Variants in FHOD3 observed in about 807,000 individuals in gnomAD.
The protein encoded by FHOD3 is formin homology 2 domain containing 3, also known as FH1/FH2 domain-containing protein 3.
A neutral mutation model predicts 173.0 loss-of-function variants in FHOD3; 90 were observed. The ratio of observed to expected loss-of-function variants is 0.52; its 90% CI spans 0.44 to 0.62. The LOEUF (loss-of-function observed/expected upper bound fraction) is 0.62, where lower values mean the gene tolerates loss of function less well. Among genes scored for constraint, FHOD3 ranks in the 20% least tolerant of loss-of-function variants. FHOD3 has a pLI of 0.00. For synonymous variants in FHOD3, 828 were observed against 823.0 expected (o/e 1.01, Z -0.10); for missense variants, 1,945 against 2,034.7 (o/e 0.96, Z 0.85).
chr18:36,324,046 G>A (rs538598787), intron 1 of FHOD3, among the ~76,000 whole-genome samples: 10 of 152,362 alleles, frequency 6.6e-5, no homozygotes, highest in African/African-American at 2.4e-4. Flanking sequence ...CTGCTTTAAA[G>A]TTACAGTAGT....
chr18:36,413,756 A>G (rs747457479), intron 3 of FHOD3, among the ~76,000 whole-genome samples: 3 of 152,242 alleles, frequency 2.0e-5, no homozygotes, highest in Non-Finnish European at 4.4e-5. Flanking sequence ...AGTAAAATAT[A>G]CATAACAGAA....
rs142631691 is a variant in FHOD3, at chr18:36,550,381, A to G, written c.512-26070A>G. ...TATAATAACTCCTAAAGTAGGTAGT[A>G]TAAGTCTTCCCATTCTGTTCTTCTC... On this transcript the variant is annotated intron_variant, in intron 5 of 28. Coordinates refer to ENST00000590592, the MANE Select transcript of FHOD3 (RefSeq NM_001281740.3). 2.1e-3 allele frequency among the ~76,000 whole-genome samples: 315 copies of G among 151,834 alleles called. 2 individuals carry two copies. The highest frequency in any genetic ancestry group is 7.4e-3 in the African/African-American group (306 of 41,454).
At chr18:36,588,474 A>G (rs2059112835) in intron 6 of FHOD3, among the ~76,000 whole-genome samples, 1 of 152,350 alleles carries the variant, frequency 6.6e-6, no homozygotes, top group South Asian at 2.1e-4. Context: ...TATAACATAT[A>G]TTTATGATGT....
intron 19 of FHOD3, among the ~76,000 whole-genome samples, chr18:36,721,589 T>C (rs899721794): frequency 3.3e-5 from 5 of 152,168 alleles, no homozygotes; most frequent in Admixed American, 1.3e-4. Context: ...CAAGGTTGCA[T>C]TGAGCTGTGA....
At chr18:36,474,986 T>TACACACAC (rs3056805) in intron 3 of FHOD3, among the ~76,000 whole-genome samples, 131 of 108,106 alleles carry the variant, frequency 1.2e-3, no homozygotes, top group Non-Finnish European at 1.9e-3. Context: ...AATACACACA[T>TACACACAC]ACACACACAC....
intron 14 of FHOD3, among the ~76,000 whole-genome samples, chr18:36,674,859 A>G (rs970080627): frequency 6.6e-6 from 1 of 151,972 alleles, no homozygotes. Flanking sequence ...CTCTTATGCA[A>G]AGAAGAGGAA....
At chr18:36,442,323 T>C (rs189494942) in intron 3 of FHOD3, among the ~76,000 whole-genome samples, 3 of 152,328 alleles carry the variant, frequency 2.0e-5, no homozygotes, top group Admixed American at 1.3e-4. Context: ...ATGTTTATCA[T>C]ACAGAAGATA....
At position 36,724,939 on chromosome 18, in the gene FHOD3, C is replaced by T. The variant is rs895781388; in HGVS notation, c.3418-5707C>T. Among the ~76,000 whole-genome samples the T allele has an allele frequency of 2.6e-5, 4 of 152,314 alleles. 1 individual carries two copies. The highest frequency in any genetic ancestry group is 9.6e-5 in the African/African-American group (4 of 41,578). ...GCCTGGCTGCTTCCCAGGCTTCTCC[C>T]TACACCCTTAAAGAAGCAAGGTCCT... On this transcript the variant is annotated intron_variant, in intron 19 of 28. Transcript: ENST00000590592.
chr18:36,528,425 G>C (rs1473027421), intron 5 of FHOD3, among the ~76,000 whole-genome samples: 1 of 152,210 alleles, frequency 6.6e-6, no homozygotes, highest in South Asian at 2.1e-4. Flanking sequence ...AGAGAGCCCT[G>C]TGTTTCTCAG....
chr18:36,639,279 C>T (rs144653950), intron 10 of FHOD3, among the ~76,000 whole-genome samples: 191 of 152,190 alleles, frequency 1.3e-3, no homozygotes, highest in African/African-American at 4.2e-3. Context: ...TGGTGGCTCA[C>T]GCCTGTAATC....
intron 27 of FHOD3, among the ~76,000 whole-genome samples, chr18:36,763,392 CAATATGCGTATTATACACGTTATATAT>C (rs1212752349): frequency 0.034 from 3,950 of 117,196 alleles, 59 homozygotes; most frequent in African/African-American, 0.083. Flanking sequence ...ACGTTATATA[CAATATGCGTATTATACACGTTATATAT>C]AATATGCGTA....
chr18:36,572,727 T>G (rs918519370), intron 5 of FHOD3, among the ~76,000 whole-genome samples: 11 of 90,888 alleles, frequency 1.2e-4, no homozygotes, highest in Admixed American at 1.2e-3. Flanking sequence ...GGCCCTGAGC[T>G]CTTGGGGGGA....
intron 3 of FHOD3, among the ~76,000 whole-genome samples, chr18:36,407,878 G>A (rs1380373490): frequency 6.6e-6 from 1 of 152,176 alleles, no homozygotes; most frequent in Non-Finnish European, 1.5e-5. Context: ...GTAGGGTTGT[G>A]GTGAACTGAG....
intron 19 of FHOD3, among the ~76,000 whole-genome samples, chr18:36,723,059 T>G (rs1430159557): frequency 1.3e-5 from 2 of 152,094 alleles, no homozygotes; most frequent in Non-Finnish European, 2.9e-5. Flanking sequence ...TAGGATGTGG[T>G]GAATCGTATA....
intron 1 of FHOD3, among the ~76,000 whole-genome samples, chr18:36,322,909 G>T (rs905252079): frequency 5.3e-5 from 8 of 152,178 alleles, no homozygotes; most frequent in Non-Finnish European, 1.0e-4. Context: ...GCCAGGAGTG[G>T]CTGCTGGGCA....
At chr18:36,431,782 A>G (rs1198481856) in intron 3 of FHOD3, among the ~76,000 whole-genome samples, 1 of 152,232 alleles carries the variant, frequency 6.6e-6, no homozygotes, top group African/African-American at 2.4e-5. Flanking sequence ...GGGAAGGCCC[A>G]AGGAAGTTTC....
chr18:36,567,646 G>A (rs1161414641), intron 5 of FHOD3, among the ~76,000 whole-genome samples: 7 of 152,338 alleles, frequency 4.6e-5, no homozygotes, highest in African/African-American at 1.2e-4. Context: ...CTAGAACTTA[G>A]AATATTGAAC....
At chr18:36,740,462 G>A (rs1421110696) in intron 20 of FHOD3, among the ~76,000 whole-genome samples, 194 bp from the exon 21 acceptor site, 1 of 152,026 alleles carries the variant, frequency 6.6e-6, no homozygotes, top group Non-Finnish European at 1.5e-5. Context: ...TTCTTGCCTA[G>A]AATGTCCTAT....
chr18:36,759,844 T>A (rs2042793747), intron 26 of FHOD3, among the ~76,000 whole-genome samples: 1 of 152,248 alleles, frequency 6.6e-6, no homozygotes, highest in African/African-American at 2.4e-5. Flanking sequence ...TTTGCAAATG[T>A]TAATCTGACT....
Sources: allele counts gnomAD v4.1 joint callset (sites outside exome capture counted in the v4.1 genomes callset), GRCh38; gene constraint gnomAD v4.1.1; transcripts MANE v1.5; gene names NCBI Gene and HGNC (gene_info 2026-07-23, HGNC 2026-07-21).